Variants in PIP4P2 observed in about 807,000 individuals in gnomAD.
PIP4P2 encodes the protein type 2 phosphatidylinositol 4,5-bisphosphate 4-phosphatase.
A neutral mutation model predicts 33.3 loss-of-function variants in PIP4P2; 19 were observed. That is an observed-to-expected ratio of 0.57 (90% CI 0.40 to 0.84). PIP4P2 has a LOEUF of 0.84. PIP4P2 is among the 40% of genes least tolerant of loss of function. The pLI is 0.00. For synonymous variants in PIP4P2, 110 were observed against 111.9 expected, an observed-to-expected ratio of 0.98 and a Z score of 0.11; for missense variants, 270 against 324.7, an observed-to-expected ratio of 0.83 and a Z score of 1.29.
At chr8:90,997,805 G>A (rs1166083775) in intron 5 of PIP4P2, among the ~76,000 whole-genome samples, 3 of 152,108 alleles carry the variant, frequency 2.0e-5, no homozygotes, top group South Asian at 2.1e-4. Context: ...GTAAAATACA[G>A]AAATTCATCA....
intron 1 of PIP4P2, chr8:91,024,251 CT>C: frequency 2.4e-6 from 1 of 410,002 alleles, no homozygotes; most frequent in Non-Finnish European, 4.9e-6. Flanking sequence ...CAGATTATTT[CT>C]TGTACTTTTG....
intron 4 of PIP4P2, among the ~76,000 whole-genome samples, chr8:91,017,931 C>T (rs892654662): frequency 2.2e-4 from 34 of 152,172 alleles, no homozygotes; most frequent in Admixed American, 1.8e-3. Context: ...TTATGGGTAA[C>T]AGTGTTAATT....
intron 4 of PIP4P2, among the ~76,000 whole-genome samples, chr8:91,012,545 A>G (rs1358232311): frequency 1.3e-5 from 2 of 152,114 alleles, no homozygotes. Flanking sequence ...TACCTCTCCT[A>G]TAGGTGTATA....
intron 1 of PIP4P2, among the ~76,000 whole-genome samples, chr8:91,022,784 G>A (rs1812029690): frequency 6.6e-6 from 1 of 152,064 alleles, no homozygotes; most frequent in Admixed American, 6.6e-5. Flanking sequence ...TTTTCAGACT[G>A]CTAAGGATTA....
At chr8:91,020,385 T>A in intron 2 of PIP4P2, 122 bp from the exon 3 acceptor site, 1 of 863,178 alleles carries the variant, frequency 1.2e-6, no homozygotes, top group Non-Finnish European at 1.8e-6. Flanking sequence ...TTTTGTAACT[T>A]AAGGTTTTAT....
intron 1 of PIP4P2, among the ~76,000 whole-genome samples, chr8:91,030,272 G>T (rs1398481545): frequency 3.3e-5 from 5 of 151,492 alleles, no homozygotes; most frequent in Admixed American, 6.6e-5. Flanking sequence ...GCTAATAAGT[G>T]TATGAGGCAA....
intron 5 of PIP4P2, among the ~76,000 whole-genome samples, chr8:90,999,565 C>G (rs1811675349): frequency 6.6e-6 from 1 of 151,972 alleles, no homozygotes; most frequent in African/African-American, 2.4e-5. Context: ...TTCCATTGGT[C>G]CTAACTTAAA....
At chr8:91,039,325 T>C (rs930719628) in intron 1 of PIP4P2, among the ~76,000 whole-genome samples, 1 of 152,230 alleles carries the variant, frequency 6.6e-6, no homozygotes, top group Non-Finnish European at 1.5e-5. Flanking sequence ...CTGTAGGTTT[T>C]CTGTGGGCAA....
intron 4 of PIP4P2, among the ~76,000 whole-genome samples, chr8:91,013,333 A>G (rs1408287026): frequency 6.6e-6 from 1 of 152,204 alleles, no homozygotes; most frequent in African/African-American, 2.4e-5. Flanking sequence ...GAAAGAATGC[A>G]AGGTAGCTGT....
intron 1 of PIP4P2, among the ~76,000 whole-genome samples, chr8:91,032,941 T>C (rs1812190049): frequency 6.6e-6 from 1 of 152,206 alleles, no homozygotes; most frequent in Non-Finnish European, 1.5e-5. Flanking sequence ...ACATCCCTCC[T>C]GTTAACTTTC....
intron 4 of PIP4P2, among the ~76,000 whole-genome samples, chr8:91,010,394 GA>G (rs1187140188): frequency 1.3e-5 from 2 of 151,756 alleles, no homozygotes; most frequent in African/African-American, 4.8e-5. Context: ...CTAACAGACT[GA>G]CATAGGAATT....
intron 1 of PIP4P2, among the ~76,000 whole-genome samples, chr8:91,035,449 T>A (rs1025627223): frequency 5.9e-5 from 9 of 152,224 alleles, no homozygotes; most frequent in Non-Finnish European, 1.3e-4. Flanking sequence ...GTCCTTACCA[T>A]CTTTGCTCTT....
At chr8:90,997,744 C>G (rs1183209196) in intron 5 of PIP4P2, among the ~76,000 whole-genome samples, 1 of 152,040 alleles carries the variant, frequency 6.6e-6, no homozygotes, top group Non-Finnish European at 1.5e-5. Flanking sequence ...TGGCCAGTGT[C>G]AAGATTATGC....
intron 5 of PIP4P2, among the ~76,000 whole-genome samples, chr8:91,005,039 C>T (rs1563562140): frequency 6.6e-6 from 1 of 152,042 alleles, no homozygotes; most frequent in Non-Finnish European, 1.5e-5. Context: ...AAGGGAGAAG[C>T]CATGGCTATA....
chr8:91,029,490 C>G (rs1322376437), intron 1 of PIP4P2, among the ~76,000 whole-genome samples: 1 of 152,144 alleles, frequency 6.6e-6, no homozygotes, highest in Non-Finnish European at 1.5e-5. Flanking sequence ...CTCCAGCAAC[C>G]TGTAAAACTT....
chr8:91,001,820 A>G (rs985131600), intron 5 of PIP4P2, among the ~76,000 whole-genome samples: 3 of 152,062 alleles, frequency 2.0e-5, no homozygotes, highest in African/African-American at 7.2e-5. Flanking sequence ...CTCAATATAA[A>G]AAAATTTTGG....
At chr8:91,010,464 GTTC>G (rs1356426639) in intron 4 of PIP4P2, among the ~76,000 whole-genome samples, 1 of 151,730 alleles carries the variant, frequency 6.6e-6, no homozygotes, top group Non-Finnish European at 1.5e-5. Flanking sequence ...ATTTTATAGT[GTTC>G]TTCATTTTAG....
intron 5 of PIP4P2, among the ~76,000 whole-genome samples, chr8:91,005,144 G>T (rs1811749533): frequency 6.6e-6 from 1 of 152,118 alleles, no homozygotes; most frequent in Non-Finnish European, 1.5e-5. Context: ...TGTTGAAAAT[G>T]AATTTATCAT....
At chr8:91,034,402 C>T (rs958089789) in intron 1 of PIP4P2, among the ~76,000 whole-genome samples, 19 of 152,166 alleles carry the variant, frequency 1.2e-4, no homozygotes, top group African/African-American at 4.1e-4. Flanking sequence ...GAGCTCACCA[C>T]CATACTGGAA....
Sources: gnomAD v4.1 joint callset for allele counts (sites outside exome capture counted in the v4.1 genomes callset) on GRCh38, gnomAD v4.1.1 for gene constraint, MANE v1.5 for transcripts, NCBI Gene and HGNC (gene_info 2026-07-23, HGNC 2026-07-21) for gene names.